CASZ1: variants seen among roughly 807,000 people sequenced by gnomAD.
CASZ1 encodes zinc finger protein castor homolog 1.
A neutral mutation model predicts 135.2 loss-of-function variants in CASZ1; 28 were observed. The observed-to-expected ratio is 0.21, with a 90% confidence interval of 0.15 to 0.28. The LOEUF (loss-of-function observed/expected upper bound fraction) is 0.28. Among genes scored for constraint, CASZ1 ranks in the 10% least tolerant of loss-of-function variants. The pLI is 1.00. For synonymous variants in CASZ1, 1,068 were observed against 1,073.4 expected, an observed-to-expected ratio of 0.99 and a Z score of 0.10; for missense variants, 2,161 against 2,453.3, an observed-to-expected ratio of 0.88 and a Z score of 2.52.
At position 10,721,036 on chromosome 1, in the gene CASZ1, C is replaced by T. The variant is rs566716923; in HGVS notation, c.-76-15492G>A. On this transcript the variant is annotated intron_variant, in intron 2 of 20. Transcript: ENST00000377022. This position sits in a 1 kb window ranked among gnomAD's most constrained non-coding sequence, Gnocchi z 5.4. Reference sequence around the variant, plus strand: ...ACAGAGGGCCCTCATCCTGCCTCCTCGCCCGTAACTCTGGTGGGGGTCCCT... The same window carrying T: ...ACAGAGGGCCCTCATCCTGCCTCCTTGCCCGTAACTCTGGTGGGGGTCCCT... Among the ~76,000 whole-genome samples, 7 of 152,314 alleles carry T rather than the reference C, an allele frequency of 4.6e-5. No individual in the cohort carries two copies. Among genetic ancestry groups the T allele is most frequent in the South Asian group, 2.1e-4 (1 of 4,828 alleles).
At position 10,694,914 on chromosome 1, in the gene CASZ1, T is replaced by C. The variant is rs1000888463; in HGVS notation, c.-23-1002A>G. ...GCCGGCGGCCGCGCGCGCGCTCGCA[T>C]GCTGCCAGCGGCCGCTCGGGCCCCG... is the stretch of plus-strand genomic sequence containing the variant. On this transcript the variant is annotated intron_variant, in intron 3 of 20. Coordinates refer to ENST00000377022, the MANE Select transcript of CASZ1 (RefSeq NM_001079843.3). This position sits in a 1 kb window ranked among gnomAD's most constrained non-coding sequence, Gnocchi z 6.6. Among the ~76,000 whole-genome samples the C allele has an allele frequency of 3.7e-4, 53 of 142,540 alleles. No homozygotes were observed. The highest frequency in any genetic ancestry group is 5.7e-4 in the Non-Finnish European group (37 of 64,538). The allele number at this position is 142,540 out of a possible 152,430, so 93.5% of individuals were successfully genotyped here.
rs1202272274 is a variant in CASZ1, at chr1:10,663,372, C to CTG, written c.505+1710_505+1711insCA. ...AGGACAGTCACAGGCAGCCACCTGG[C>CTG]ACCCAGGGTGCACAGAGGGACTCAA... On this transcript the variant is annotated intron_variant, in intron 5 of 20. Transcript: ENST00000377022. Among the ~76,000 whole-genome samples, 1,386 of 152,284 alleles carry CTG rather than the reference C, an allele frequency of 9.1e-3. 21 individuals are homozygous for CTG. Among genetic ancestry groups the CTG allele is most frequent in the African/African-American group, 0.032 (1,310 of 41,540 alleles).
intron 2 of CASZ1, among the ~76,000 whole-genome samples, chr1:10,729,565 AGGG>A (rs1220390449): frequency 6.6e-6 from 1 of 152,212 alleles, no homozygotes; most frequent in Non-Finnish European, 1.5e-5. Context: ...TGGGGGGCTT[AGGG>A]GAGCAGTTCG....
At chr1:10,791,644 TG>T (rs746659420) in intron 1 of CASZ1, among the ~76,000 whole-genome samples, 5 of 151,734 alleles carry the variant, frequency 3.3e-5, no homozygotes, top group Non-Finnish European at 5.9e-5. Context: ...TGAAAAGAAA[TG>T]GGGGAAAATA....
chr1:10,650,873 A>G (rs1484483815), intron 12 of CASZ1, 68 bp downstream of exon 12: 6 of 1,605,712 alleles, frequency 3.7e-6, no homozygotes, highest in Non-Finnish European at 5.1e-6. Context: ...CCTGGGCGGG[A>G]CCACCCCGGG....
At position 10,637,213 on chromosome 1, in the gene CASZ1, C is replaced by T. The variant is rs951932910; in HGVS notation, c.*1729G>A. ...TTACAAAACTCCTTCCACAGACGCC[C>T]GGGGCCTGTGGCGGGTCACTGTCTG... On this transcript the variant is annotated 3_prime_UTR_variant, in exon 21 of 21. Transcript: ENST00000377022. The T allele has an allele frequency of 2.6e-5, 4 of 152,232 alleles. No homozygotes were observed. Among genetic ancestry groups the T allele is most frequent in the East Asian group, 1.9e-4 (1 of 5,196 alleles). 9.4% of individuals were successfully genotyped at this position (152,232 alleles called of 1,614,324 possible).
chr1:10,737,628 T>A (rs1459851276), intron 2 of CASZ1, among the ~76,000 whole-genome samples: 1 of 152,196 alleles, frequency 6.6e-6, no homozygotes, highest in African/African-American at 2.4e-5. Flanking sequence ...TACATGGCTG[T>A]AAGGGTTGGG....
At chr1:10,760,124 C>T (rs777978106) in intron 2 of CASZ1, among the ~76,000 whole-genome samples, 4 of 152,212 alleles carry the variant, frequency 2.6e-5, no homozygotes, top group Admixed American at 6.5e-5. Context: ...AAGGCACCTA[C>T]AGCTTCTCCT....
rs114746732 is a variant in CASZ1, at chr1:10,706,013, A to G, written c.-76-469T>C. Reference sequence around the variant, plus strand: ...GGGGCCCCTGAACATAAAAATGACAAATGCCAAACTGTTCGCTCTAGCAAG... The same window carrying G: ...GGGGCCCCTGAACATAAAAATGACAGATGCCAAACTGTTCGCTCTAGCAAG... On this transcript the variant is annotated intron_variant, in intron 2 of 20. Coordinates refer to ENST00000377022, the MANE Select transcript of CASZ1 (RefSeq NM_001079843.3). The surrounding 1 kb of genome is among the most constrained non-coding windows in gnomAD (Gnocchi z 4.3). Among the ~76,000 whole-genome samples, 1,548 of 152,312 alleles carry G rather than the reference A, an allele frequency of 0.01. 30 individuals are homozygous for G. The highest frequency in any genetic ancestry group is 0.035 in the African/African-American group (1,444 of 41,550).
chr1:10,685,197 C>T (rs901707540), intron 4 of CASZ1, among the ~76,000 whole-genome samples: 3 of 152,230 alleles, frequency 2.0e-5, no homozygotes, highest in Admixed American at 6.5e-5. Context: ...CCACTGCGGC[C>T]GGGCCCTGCA....
At chr1:10,787,488 C>T (rs1021806486) in intron 1 of CASZ1, among the ~76,000 whole-genome samples, 6 of 152,180 alleles carry the variant, frequency 3.9e-5, no homozygotes, top group African/African-American at 1.2e-4. Flanking sequence ...ACATAGCGAG[C>T]GGCACAGCTG....
intron 2 of CASZ1, among the ~76,000 whole-genome samples, chr1:10,729,084 TG>T (rs1639649816): frequency 2.3e-5 from 1 of 43,910 alleles, no homozygotes; most frequent in African/African-American, 8.7e-5. Flanking sequence ...GGGAGGCAGC[TG>T]GGGGAAGGGG....
chr1:10,784,956 CCTCTG>C (rs1640828995), intron 1 of CASZ1, among the ~76,000 whole-genome samples: 1 of 152,298 alleles, frequency 6.6e-6, no homozygotes, highest in Admixed American at 6.5e-5. Context: ...CAGGCCCTCT[CCTCTG>C]CTCCTTCACG....
At chr1:10,672,899 A>G (rs934745525) in intron 4 of CASZ1, among the ~76,000 whole-genome samples, 5 of 152,104 alleles carry the variant, frequency 3.3e-5, no homozygotes, top group Admixed American at 1.3e-4. Context: ...TTAATATTTA[A>G]TTTTGCGATT....
At position 10,719,969 on chromosome 1, in the gene CASZ1, G is replaced by C. The variant is rs1398777350; in HGVS notation, c.-76-14425C>G. Among the ~76,000 whole-genome samples the C allele has an allele frequency of 6.6e-6, 1 of 152,230 alleles. No homozygotes were observed. Among genetic ancestry groups the C allele is most frequent in the Non-Finnish European group, 1.5e-5 (1 of 68,044 alleles). ...GAACACAGGTCCTCCGACAGCACCA[G>C]GGTGCGGTGTGTTTGCGCACAAAAA... On this transcript the variant is annotated intron_variant, in intron 2 of 20. Transcript: ENST00000377022. The surrounding 1 kb of genome is among the most constrained non-coding windows in gnomAD (Gnocchi z 4.0).
intron 1 of CASZ1, among the ~76,000 whole-genome samples, chr1:10,770,065 T>A (rs887124797): frequency 6.6e-6 from 1 of 152,106 alleles, no homozygotes; most frequent in African/African-American, 2.4e-5. Context: ...ATTCTTTTCT[T>A]TTCTCTCTCT....
rs560675291 is a variant in CASZ1 at position 10,657,653 on chromosome 1, G to T, written c.1409+855C>A. On this transcript the variant is annotated intron_variant, in intron 7 of 20. Transcript: ENST00000377022. This position sits in a 1 kb window ranked among gnomAD's most constrained non-coding sequence, Gnocchi z 5.7. The stretch of plus-strand genomic sequence containing the variant: ...GGGCGGAGACAGTGGGATGGGGGTG[G>T]ACAGAGACAGAGCAGGACAGGGGAT... 6.6e-6 allele frequency among the ~76,000 whole-genome samples: 1 copy of T among 152,174 alleles called. No individual in the cohort carries two copies. Among genetic ancestry groups the T allele is most frequent in the South Asian group, 2.1e-4 (1 of 4,818 alleles).
chr1:10,649,303 G>A lies in CASZ1; in HGVS notation c.3015C>T (p.Pro1005=). 6.3e-7 allele frequency: 1 copy of A among 1,597,442 alleles called. No individual in the cohort carries two copies. Among genetic ancestry groups the A allele is most frequent in the South Asian group, 1.1e-5 (1 of 88,886 alleles). The change falls in exon 14 of 21, where the codon CCC becomes CCT. Residue 1005 remains proline (P), a synonymous_variant. Coordinates refer to ENST00000377022, the MANE Select transcript of CASZ1 (RefSeq NM_001079843.3). The stretch of plus-strand genomic sequence containing the variant: ...CTCACCTGCGCAGGTACACCTTCCA[G>A]GGCTCTGCCAACTTCTCCTGAACCA... ...KALVQEKLAE[P]WKVYLRRFGT...
chr1:10,642,876 T>A lies in CASZ1; in HGVS notation c.4145A>T (p.Asn1382Ile). Residue 1382 changes from asparagine (N) to isoleucine (I), a missense_variant, in exon 20 of 21, where the codon AAC becomes ATC. Physicochemically the swap from Asn to Ile is moderately radical, Grantham distance 149 (BLOSUM62 -3). Coordinates refer to ENST00000377022, the MANE Select transcript of CASZ1 (RefSeq NM_001079843.3). ...CCGCTCACCTGCCGCGGTGCTCTCGTTACCCACGGGGGTGCTGGAGCAGCT... is the reference window on the plus strand; with the variant it reads ...CCGCTCACCTGCCGCGGTGCTCTCGATACCCACGGGGGTGCTGGAGCAGCT... Reference protein sequence around the residue: ...DRSCSSTPVGNESTAAGNTIS... With the variant: ...DRSCSSTPVGIESTAAGNTIS... 2 of 1,612,848 alleles carry A rather than the reference T, an allele frequency of 1.2e-6. No homozygotes were observed. The highest frequency in any genetic ancestry group is 1.7e-6 in the Non-Finnish European group (2 of 1,179,864).
Sources: gnomAD v4.1 joint callset for allele counts (sites outside exome capture counted in the v4.1 genomes callset) on GRCh38, gnomAD v4.1.1 for gene constraint, Gnocchi (gnomAD v3.1) non-coding constraint, MANE v1.5 for transcripts, NCBI Gene and HGNC (gene_info 2026-07-23, HGNC 2026-07-21) for gene names.